FSD1L: variants seen among roughly 807,000 people sequenced by gnomAD.
FSD1L encodes the protein FSD1-like protein.
In FSD1L, 45 loss-of-function variants were observed where a neutral mutation model predicts 71.6. The observed-to-expected ratio is 0.63, with a 90% CI of 0.49 to 0.81. FSD1L has a LOEUF of 0.81. FSD1L is among the 30% of genes least tolerant of loss of function. The pLI is 0.00. For synonymous variants in FSD1L, 197 were observed against 207.2 expected, an observed-to-expected ratio of 0.95 and a Z score of 0.42; for missense variants, 561 against 618.1, an observed-to-expected ratio of 0.91 and a Z score of 0.98.
chr9:105,503,358 A>T (rs558418190), intron 7 of FSD1L, among the ~76,000 whole-genome samples: 1 of 152,322 alleles, frequency 6.6e-6, no homozygotes, highest in South Asian at 2.1e-4. Context: ...AGTACATTAT[A>T]TGTAGTAATA....
intron 10 of FSD1L, chr9:105,513,501 A>G: frequency 1.0e-6 from 1 of 971,712 alleles, no homozygotes; most frequent in Non-Finnish European, 1.5e-6. Context: ...ATGAATCCCC[A>G]AAAATTCCTC....
intron 10 of FSD1L, among the ~76,000 whole-genome samples, chr9:105,517,233 C>G (rs546149918): frequency 3.7e-4 from 56 of 152,272 alleles, no homozygotes; most frequent in Non-Finnish European, 2.2e-4. Context: ...GAGAATGGAA[C>G]CAAGTTGGAA....
At chr9:105,523,295 A>G (rs1000708934) in intron 10 of FSD1L, 1 of 1,594,364 alleles carries the variant, frequency 6.3e-7, no homozygotes, top group Non-Finnish European at 8.6e-7. Context: ...ATCACATGGA[A>G]CAGAAGGATC....
intron 12 of FSD1L, among the ~76,000 whole-genome samples, chr9:105,538,598 A>T (rs1208357191): frequency 1.3e-5 from 2 of 152,090 alleles, no homozygotes; most frequent in Non-Finnish European, 2.9e-5. Flanking sequence ...AGTTTTTTTT[A>T]GGGCATGATC....
At chr9:105,451,719 T>C (rs1203426021) in intron 1 of FSD1L, among the ~76,000 whole-genome samples, 1 of 152,214 alleles carries the variant, frequency 6.6e-6, no homozygotes, top group African/African-American at 2.4e-5. Flanking sequence ...TGATTATGCC[T>C]TTAAACGGCT....
At chr9:105,471,796 T>C (rs1831490569) in intron 4 of FSD1L, 108 bp from the exon 5 acceptor site, 2 of 411,678 alleles carry the variant, frequency 4.9e-6, no homozygotes, top group Non-Finnish European at 8.6e-6. Context: ...TCCTCTATTA[T>C]TGCTATTAAA....
Position 105,546,457 on chromosome 9 carries a change from A to T in FSD1L, c.1567A>T (p.Ser523Cys). Reference sequence around the variant, plus strand: ...AAATGGAATGACTGGTTCAGCTAGCAGCCTGAACAATGTTGTTACTCAATA... The same window carrying T: ...AAATGGAATGACTGGTTCAGCTAGCTGCCTGAACAATGTTGTTACTCAATA... ...SENGMTGSAS[S>C]LNNVVTQ Residue 523 changes from serine to cysteine, a missense_variant, in exon 14 of 14, where the codon AGC (serine) becomes TGC (cysteine). Ser to Cys is a moderately radical substitution (Grantham distance 112, BLOSUM62 -1). Coordinates refer to ENST00000481272, the MANE Select transcript of FSD1L (RefSeq NM_001145313.3). The T allele has an allele frequency of 1.9e-6, 3 of 1,549,376 alleles. No homozygotes were observed. Among genetic ancestry groups the T allele is most frequent in the Non-Finnish European group, 2.6e-6 (3 of 1,145,726 alleles).
chr9:105,498,122 G>C lies in FSD1L; in HGVS notation c.587-8277G>C, dbSNP rs144014198. On this transcript the variant is annotated intron_variant, in intron 7 of 13. Transcript: ENST00000481272. ...AGCCTTCTAAAGCACTGGGACTACA[G>C]GTGTGACTACCACACCCAACCTGAT... 8.3e-3 allele frequency among the ~76,000 whole-genome samples: 1,265 copies of C among 151,844 alleles called. 20 individuals are homozygous for C. The highest frequency in any genetic ancestry group is 0.029 in the African/African-American group (1,208 of 41,408).
chr9:105,487,128 A>T (rs141942045), intron 7 of FSD1L, among the ~76,000 whole-genome samples: 12 of 152,292 alleles, frequency 7.9e-5, no homozygotes, highest in Admixed American at 1.3e-4. Flanking sequence ...TTCATTCCAG[A>T]TCACTGTACA....
chr9:105,509,496 C>G (rs1215294635), intron 9 of FSD1L, among the ~76,000 whole-genome samples: 3 of 152,212 alleles, frequency 2.0e-5, no homozygotes, highest in Non-Finnish European at 4.4e-5. Context: ...TGGTTATTGA[C>G]TGGGTTTAAT....
chr9:105,492,847 G>T (rs1833053456), intron 7 of FSD1L, among the ~76,000 whole-genome samples: 2 of 152,296 alleles, frequency 1.3e-5, no homozygotes, highest in Admixed American at 1.3e-4. Context: ...TAGTTTGATT[G>T]CACTGTGGTC....
intron 5 of FSD1L, among the ~76,000 whole-genome samples, chr9:105,476,262 TG>T (rs990018874): frequency 5.3e-5 from 8 of 152,218 alleles, no homozygotes; most frequent in African/African-American, 1.9e-4. Flanking sequence ...ATATCAGAGA[TG>T]GTGCCTTCCT....
chr9:105,521,701 A>T, intron 10 of FSD1L: 2 of 1,613,576 alleles, frequency 1.2e-6, no homozygotes, highest in South Asian at 2.2e-5. Context: ...AAAAGAGAAG[A>T]GGAAAATGGG....
At chr9:105,481,951 CTT>C (rs1393436754) in intron 6 of FSD1L, among the ~76,000 whole-genome samples, 4 of 151,608 alleles carry the variant, frequency 2.6e-5, no homozygotes, top group African/African-American at 9.7e-5. Context: ...TTTTTTGTAT[CTT>C]TTGTAGAGAT....
intron 7 of FSD1L, among the ~76,000 whole-genome samples, chr9:105,494,889 G>T (rs1252681864): frequency 6.6e-6 from 1 of 152,132 alleles, no homozygotes; most frequent in Non-Finnish European, 1.5e-5. Context: ...ACCCGGCCGT[G>T]TGAGGTGTCA....
chr9:105,534,328 T>A (rs1836121896), intron 10 of FSD1L, among the ~76,000 whole-genome samples, 165 bp from the exon 11 acceptor site: 1 of 152,214 alleles, frequency 6.6e-6, no homozygotes, highest in South Asian at 2.1e-4. Flanking sequence ...TGTTTATAAT[T>A]GACAGCGCTC....
At chr9:105,537,180 C>T (rs1315847501) in intron 12 of FSD1L, among the ~76,000 whole-genome samples, 1 of 152,104 alleles carries the variant, frequency 6.6e-6, no homozygotes, top group African/African-American at 2.4e-5. Context: ...TAATATTGAA[C>T]TAAAGTAATT....
intron 1 of FSD1L, among the ~76,000 whole-genome samples, chr9:105,455,178 A>T (rs1830286553): frequency 6.6e-6 from 1 of 152,176 alleles, no homozygotes; most frequent in Non-Finnish European, 1.5e-5. Context: ...ACTCACCTGA[A>T]TGTGTCTTCT....
intron 1 of FSD1L, among the ~76,000 whole-genome samples, chr9:105,452,972 A>G (rs977429415): frequency 6.6e-6 from 1 of 151,068 alleles, no homozygotes; most frequent in Non-Finnish European, 1.5e-5. Context: ...CTTGGGCTCA[A>G]ACGATTGACC....
Sources: gnomAD v4.1 joint callset for allele counts (sites outside exome capture counted in the v4.1 genomes callset) on GRCh38, gnomAD v4.1.1 for gene constraint, MANE v1.5 for transcripts, NCBI Gene and HGNC (gene_info 2026-07-23, HGNC 2026-07-21) for gene names.